Variants in GOLIM4 observed in about 807,000 individuals in gnomAD.
GOLIM4 encodes the protein golgi integral membrane protein 4.
A neutral mutation model predicts 107.4 loss-of-function variants in GOLIM4; 71 were observed. The ratio of observed to expected loss-of-function variants is 0.66; its 90% CI spans 0.55 to 0.81. The LOEUF (loss-of-function observed/expected upper bound fraction) is 0.81. Among genes scored for constraint, GOLIM4 ranks in the 30% least tolerant of loss-of-function variants. The pLI is 0.00. For missense variants in GOLIM4, 830 were observed against 826.1 expected (o/e 1.00, Z -0.06); for synonymous variants, 327 against 294.8 (o/e 1.11, Z -1.12).
intron 1 of GOLIM4, among the ~76,000 whole-genome samples, chr3:168,049,906 A>G (rs1459944453): frequency 6.6e-6 from 1 of 152,102 alleles, no homozygotes; most frequent in African/African-American, 2.4e-5. Context: ...GACTCCATCT[A>G]CTATCACGAT....
rs940925387 is a variant in GOLIM4 at position 168,092,814 on chromosome 3, A to G, written c.187+2285T>C. Reference sequence around the variant, plus strand: ...CTTACACATGGGAAATCCAAAATAAATGCTACTGAAGTCAAAAGTGAATCC... The same window carrying G: ...CTTACACATGGGAAATCCAAAATAAGTGCTACTGAAGTCAAAAGTGAATCC... On this transcript the variant is annotated intron_variant, in intron 1 of 15. Coordinates refer to ENST00000470487, the MANE Select transcript of GOLIM4 (RefSeq NM_014498.5). Among the ~76,000 whole-genome samples the G allele has an allele frequency of 2.6e-5, 4 of 152,100 alleles. No homozygotes were observed. The East Asian group carries it at 5.8e-4, about 22-fold the overall frequency.
At position 168,029,947 on chromosome 3, in the gene GOLIM4, C is replaced by T. The variant is rs889296679; in HGVS notation, c.1266G>A (p.Glu422=). The T allele has an allele frequency of 6.2e-7, 1 of 1,614,072 alleles. No individual in the cohort carries two copies. Among genetic ancestry groups the T allele is most frequent in the African/African-American group, 1.3e-5 (1 of 74,942 alleles). ...GGTGTTCCCGCAGCTGCTGGGCCTC[C>T]TCCACCTGCTGCACTGCCAGTCTCT... ...EQQRLAVQQV[E]EAQQLREHQE... Residue 422 remains glutamate (E), a synonymous_variant, in exon 10 of 16, where the codon GAG becomes GAA. Coordinates refer to ENST00000470487, the MANE Select transcript of GOLIM4 (RefSeq NM_014498.5).
In GOLIM4 at chr3:168,009,384, T is replaced by C. The variant is rs989898548; in HGVS notation, c.*885A>G. On this transcript the variant is annotated 3_prime_UTR_variant, in exon 16 of 16. Transcript: ENST00000470487. ...TTAAAGAGGAAATATATATTACTTA[T>C]AGGGAACCAGACACTGAAACAAGAA... 2.6e-5 allele frequency: 3 copies of C among 114,992 alleles called. No homozygotes were observed. Among genetic ancestry groups the C allele is most frequent in the African/African-American group, 3.2e-5 (1 of 31,212 alleles). 7.1% of individuals were successfully genotyped at this position (114,992 alleles called of 1,614,324 possible). A position where few individuals can be genotyped will look rare whatever the true frequency, so the allele number is the denominator to read the frequency against.
At chr3:168,093,816 T>G (rs948047233) in intron 1 of GOLIM4, among the ~76,000 whole-genome samples, 2 of 152,174 alleles carry the variant, frequency 1.3e-5, no homozygotes, top group African/African-American at 4.8e-5. Flanking sequence ...TTCTTCTAAG[T>G]TGGGAAGAGC....
intron 1 of GOLIM4, among the ~76,000 whole-genome samples, chr3:168,079,338 G>A (rs750450782): frequency 6.6e-6 from 1 of 152,138 alleles, no homozygotes; most frequent in Non-Finnish European, 1.5e-5. Flanking sequence ...TATATTGTTT[G>A]ATTTTATTTA....
At chr3:168,088,926 C>T (rs1721759137) in intron 1 of GOLIM4, among the ~76,000 whole-genome samples, 3 of 152,166 alleles carry the variant, frequency 2.0e-5, no homozygotes, top group Admixed American at 2.0e-4. Flanking sequence ...TAAAGGCTCC[C>T]AGATAACAAG....
chr3:168,068,668 G>A (rs542676541), intron 1 of GOLIM4, among the ~76,000 whole-genome samples: 2 of 151,464 alleles, frequency 1.3e-5, no homozygotes, highest in African/African-American at 4.8e-5. Flanking sequence ...TACATAAAAA[G>A]CAAAACAAAA....
chr3:168,089,744 G>C (rs1015403134), intron 1 of GOLIM4, among the ~76,000 whole-genome samples: 4 of 151,584 alleles, frequency 2.6e-5, no homozygotes, highest in Non-Finnish European at 5.9e-5. Context: ...AAAAAAGCCT[G>C]GTTCTGTGCT....
At chr3:168,060,347 G>A (rs1720192904) in intron 1 of GOLIM4, among the ~76,000 whole-genome samples, 2 of 152,176 alleles carry the variant, frequency 1.3e-5, no homozygotes, top group Admixed American at 1.3e-4. Context: ...AGGCATGAGG[G>A]TAATGGAAGA....
intron 4 of GOLIM4, 46 bp downstream of exon 4, chr3:168,044,778 ATTAG>A (rs1719207184): frequency 2.0e-6 from 2 of 1,012,278 alleles, no homozygotes. Flanking sequence ...CAGTTCAAGT[ATTAG>A]TTAATCCTTT....
At chr3:168,087,523 A>G (rs1306171508) in intron 1 of GOLIM4, among the ~76,000 whole-genome samples, 1 of 152,218 alleles carries the variant, frequency 6.6e-6, no homozygotes, top group Non-Finnish European at 1.5e-5. Flanking sequence ...ATCAACCAAA[A>G]TCATCTTTCA....
intron 12 of GOLIM4, among the ~76,000 whole-genome samples, chr3:168,026,374 A>C (rs1273208739): frequency 6.6e-6 from 1 of 152,198 alleles, no homozygotes; most frequent in Non-Finnish European, 1.5e-5. Flanking sequence ...CATAAAATTG[A>C]CTAGCTCAAC....
At chr3:168,083,032 A>G (rs961351396) in intron 1 of GOLIM4, among the ~76,000 whole-genome samples, 1 of 152,336 alleles carries the variant, frequency 6.6e-6, no homozygotes, top group East Asian at 1.9e-4. Context: ...TGTAATAACT[A>G]AACTATGTTT....
Position 168,016,316 on chromosome 3 carries a change from G to A in GOLIM4, c.1861-5493C>T, listed in dbSNP as rs1241498719. ...ATGCTCATCATCACTGGCCATCAGA[G>A]AAATGCAAATCAAAACCACAATGAG... On this transcript the variant is annotated intron_variant, in intron 14 of 15. Transcript: ENST00000470487. Among the ~76,000 whole-genome samples, 3 of 134,728 alleles carry A rather than the reference G, an allele frequency of 2.2e-5. 1 individual carries two copies. The highest frequency in any genetic ancestry group is 7.8e-5 in the African/African-American group (2 of 25,672). 88.4% of individuals were successfully genotyped at this position (134,728 alleles called of 152,430 possible). A position where few individuals can be genotyped will look rare whatever the true frequency, so the allele number is the denominator to read the frequency against.
chr3:168,076,267 C>T (rs1231552381), intron 1 of GOLIM4, among the ~76,000 whole-genome samples: 1 of 152,216 alleles, frequency 6.6e-6, no homozygotes, highest in Non-Finnish European at 1.5e-5. Flanking sequence ...TAAAGCATTA[C>T]ATATGTTCAC....
chr3:168,015,938 CT>C lies in GOLIM4; in HGVS notation c.1861-5116del, dbSNP rs1310663821. Among the ~76,000 whole-genome samples, 5 of 134,200 alleles carry C rather than the reference CT, an allele frequency of 3.7e-5. 1 individual carries two copies. The highest frequency in any genetic ancestry group is 3.5e-4 in the Admixed American group (5 of 14,212). The allele number at this position is 134,200 out of a possible 152,430, so 88.0% of individuals were successfully genotyped here. On this transcript the variant is annotated intron_variant, in intron 14 of 15. Coordinates refer to ENST00000470487, the MANE Select transcript of GOLIM4 (RefSeq NM_014498.5). ...CGTTAGACCTAAAACCATAAAAACC[CT>C]GGAAGAAAACCTAGGCATTACCATT...
At chr3:168,023,839 C>T (rs1383570786) in intron 14 of GOLIM4, among the ~76,000 whole-genome samples, 1 of 152,214 alleles carries the variant, frequency 6.6e-6, no homozygotes, top group Non-Finnish European at 1.5e-5. Flanking sequence ...CCACATGCAG[C>T]ACCACAATAA....
intron 3 of GOLIM4, 131 bp downstream of exon 3, chr3:168,046,819 A>AAG (rs1553799326): frequency 3.9e-5 from 17 of 439,986 alleles, no homozygotes; most frequent in Non-Finnish European, 4.9e-5. Context: ...AAAAAAAAAA[A>AAG]GGGGGTGTCA....
intron 1 of GOLIM4, among the ~76,000 whole-genome samples, chr3:168,075,529 A>C (rs1721041752): frequency 1.3e-5 from 2 of 151,466 alleles, no homozygotes; most frequent in African/African-American, 4.9e-5. Flanking sequence ...CGATCTCCTG[A>C]CCTCGTGATC....
Sources: allele counts gnomAD v4.1 joint callset (sites outside exome capture counted in the v4.1 genomes callset), GRCh38; gene constraint gnomAD v4.1.1; transcripts MANE v1.5; gene names NCBI Gene and HGNC (gene_info 2026-07-23, HGNC 2026-07-21).